Variants in ACAP2 observed in about 807,000 individuals in gnomAD.
The protein encoded by ACAP2 is ArfGAP with coiled-coil, ankyrin repeat and PH domains 2.
In ACAP2, 39 loss-of-function variants were observed where a neutral mutation model predicts 115.8. The ratio of observed to expected loss-of-function variants is 0.34; its 90% CI spans 0.26 to 0.44. The LOEUF (loss-of-function observed/expected upper bound fraction) is 0.44, where lower values mean the gene tolerates loss of function less well. Among genes scored for constraint, ACAP2 ranks in the 20% least tolerant of loss-of-function variants. ACAP2 has a pLI of 1.00. For synonymous variants in ACAP2, 289 were observed against 315.8 expected, an observed-to-expected ratio of 0.92 and a Z score of 0.90; for missense variants, 662 against 927.6, an observed-to-expected ratio of 0.71 and a Z score of 3.72.
chr3:195,314,629 T>C (rs1286439671), intron 10 of ACAP2, among the ~76,000 whole-genome samples: 1 of 152,184 alleles, frequency 6.6e-6, no homozygotes, highest in Non-Finnish European at 1.5e-5. Context: ...CATAGAAGTA[T>C]AGGTAATAGC....
intron 2 of ACAP2, among the ~76,000 whole-genome samples, chr3:195,385,213 G>A (rs1431117069): frequency 6.8e-6 from 1 of 146,268 alleles, no homozygotes; most frequent in African/African-American, 2.5e-5. Flanking sequence ...AGGCATTTGA[G>A]ACCAGCCTGG....
At chr3:195,332,534 T>C (rs778756288) in intron 8 of ACAP2, among the ~76,000 whole-genome samples, 2 of 152,284 alleles carry the variant, frequency 1.3e-5, no homozygotes, top group Admixed American at 6.5e-5. Flanking sequence ...AGCATCCAAC[T>C]TCATTCTTCA....
At chr3:195,359,824 T>A (rs984144194) in intron 4 of ACAP2, among the ~76,000 whole-genome samples, 1 of 152,192 alleles carries the variant, frequency 6.6e-6, no homozygotes, top group African/African-American at 2.4e-5. Flanking sequence ...CAATCAGTGT[T>A]GATTTGCTAC....
At chr3:195,306,749 G>T in intron 12 of ACAP2, 133 bp from the exon 13 acceptor site, 1 of 592,308 alleles carries the variant, frequency 1.7e-6, no homozygotes, top group Non-Finnish European at 2.8e-6. Context: ...TTGAAAGAAG[G>T]TTTTATTTCA....
At chr3:195,325,191 T>C (rs1729698160) in intron 9 of ACAP2, among the ~76,000 whole-genome samples, 1 of 152,158 alleles carries the variant, frequency 6.6e-6, no homozygotes, top group Non-Finnish European at 1.5e-5. Context: ...TGAAAAACAA[T>C]GTAGCATTAT....
At chr3:195,358,047 G>A (rs1732103133) in intron 4 of ACAP2, among the ~76,000 whole-genome samples, 1 of 152,138 alleles carries the variant, frequency 6.6e-6, no homozygotes, top group African/African-American at 2.4e-5. Context: ...CTTGACACGT[G>A]GGGATTATGG....
chr3:195,289,340 T>C (rs930377115), intron 20 of ACAP2, 109 bp from the exon 21 acceptor site: 11 of 750,196 alleles, frequency 1.5e-5, no homozygotes, highest in African/African-American at 1.4e-4. Context: ...TAGGAAATTC[T>C]TGATTCATTC....
intron 4 of ACAP2, among the ~76,000 whole-genome samples, chr3:195,377,138 C>CTTTTTTTTTTTTTTTTTTTTTTT (rs749352761): frequency 2.6e-5 from 2 of 77,110 alleles, no homozygotes; most frequent in Admixed American, 1.7e-4. Context: ...GAATGTAAAT[C>CTTTTTTTTTTTTTTTTTTTTTTT]TTTTTTTTTT....
At chr3:195,401,434 G>A (rs2108791970) in intron 1 of ACAP2, among the ~76,000 whole-genome samples, 3 of 152,332 alleles carry the variant, frequency 2.0e-5, no homozygotes, top group Admixed American at 2.0e-4. Context: ...GGAGGCCAAG[G>A]TGGGTGGATC....
At chr3:195,315,927 G>A (rs976565649) in intron 10 of ACAP2, among the ~76,000 whole-genome samples, 2 of 152,052 alleles carry the variant, frequency 1.3e-5, no homozygotes, top group African/African-American at 4.8e-5. Context: ...TCCTTCTATT[G>A]TCCTAAATGG....
chr3:195,324,961 TGAGA>T (rs751778545), intron 9 of ACAP2, among the ~76,000 whole-genome samples: 51 of 151,848 alleles, frequency 3.4e-4, no homozygotes, highest in Non-Finnish European at 7.2e-4. Flanking sequence ...GGTGGAAAAA[TGAGA>T]GAAAGATTAA....
chr3:195,360,487 GA>G (rs1732277314), intron 4 of ACAP2, among the ~76,000 whole-genome samples: 1 of 152,164 alleles, frequency 6.6e-6, no homozygotes, highest in Non-Finnish European at 1.5e-5. Context: ...AATCCACAAG[GA>G]AACATCAGAC....
At chr3:195,332,096 T>C (rs376636564) in intron 8 of ACAP2, among the ~76,000 whole-genome samples, 39 of 144,376 alleles carry the variant, frequency 2.7e-4, no homozygotes, top group African/African-American at 9.9e-4. Context: ...ATCCCGCCAC[T>C]GCACTCCAGC....
chr3:195,372,810 T>C (rs1316484292), intron 4 of ACAP2, among the ~76,000 whole-genome samples: 1 of 151,892 alleles, frequency 6.6e-6, no homozygotes, highest in Non-Finnish European at 1.5e-5. Context: ...CAAAACTCTG[T>C]CTCAAAACAA....
intron 9 of ACAP2, among the ~76,000 whole-genome samples, chr3:195,323,906 G>C (rs1729606647): frequency 6.6e-6 from 1 of 152,026 alleles, no homozygotes; most frequent in Non-Finnish European, 1.5e-5. Flanking sequence ...ATAATTAAAA[G>C]AATACAATAG....
chr3:195,358,320 T>C (rs1732124666), intron 4 of ACAP2, among the ~76,000 whole-genome samples: 4 of 152,122 alleles, frequency 2.6e-5, no homozygotes, highest in Admixed American at 2.6e-4. Flanking sequence ...CTTCAATGCC[T>C]AGATAATCAC....
At position 195,400,935 on chromosome 3, in the gene ACAP2, C is replaced by T. The variant is rs376381209; in HGVS notation, c.54-8788G>A. 2.0e-5 allele frequency among the ~76,000 whole-genome samples: 3 copies of T among 152,194 alleles called. No homozygotes were observed. The South Asian group carries it at 6.2e-4, about 32-fold the overall frequency. ...AGAGGCCAGGCGAGGTGGCTCATGC[C>T]TGTAATACTGGCAATAGTTTGGGAG... On this transcript the variant is annotated intron_variant, in intron 1 of 22. Coordinates refer to ENST00000326793, the MANE Select transcript of ACAP2 (RefSeq NM_012287.6).
chr3:195,355,968 C>A, intron 4 of ACAP2: 1 of 358,940 alleles, frequency 2.8e-6, no homozygotes, highest in Non-Finnish European at 5.7e-6. Context: ...AAATAGAAGC[C>A]TCCACCGATT....
Position 195,425,026 on chromosome 3 carries a change from CAAAAAAAAA to C in ACAP2, c.53+17760_53+17768del, listed in dbSNP as rs10690317. Among the ~76,000 whole-genome samples the C allele has an allele frequency of 0.012, 326 of 26,638 alleles. No individual in the cohort carries two copies. In the Middle Eastern group the frequency reaches 0.14, roughly 12 times the overall value. 17.5% of individuals were successfully genotyped at this position (26,638 alleles called of 152,430 possible). A position where few individuals can be genotyped will look rare whatever the true frequency, so the allele number is the denominator to read the frequency against. ...TGGGCGACAGAGCGAGACTCCGTCT[CAAAAAAAAA>C]AAAAAAAAAAAAAAAAAAAGAGTTG... On this transcript the variant is annotated intron_variant, in intron 1 of 22. Transcript: ENST00000326793.
Sources: allele counts gnomAD v4.1 joint callset (sites outside exome capture counted in the v4.1 genomes callset), GRCh38; gene constraint gnomAD v4.1.1; transcripts MANE v1.5; gene names NCBI Gene and HGNC (gene_info 2026-07-23, HGNC 2026-07-21).